Variants in IQANK1 observed in about 807,000 individuals in gnomAD.
IQANK1 encodes the protein IQ motif and ankyrin repeat containing 1.
In IQANK1, 30 loss-of-function variants were observed where a neutral mutation model predicts 22.6. The ratio of observed to expected loss-of-function variants is 1.33; its 90% confidence interval spans 0.99 to 1.80. The LOEUF (loss-of-function observed/expected upper bound fraction) is 1.80. Ranked by LOEUF, IQANK1 falls within the 40% of genes most tolerant of loss-of-function variation. IQANK1 has a pLI of 0.00. For missense variants in IQANK1, 275 were observed against 235.2 expected (o/e 1.17, Z -1.11); for synonymous variants, 122 against 99.6 (o/e 1.23, Z -1.34).
chr8:143,769,262 G>A (rs577615314), intron 3 of IQANK1, among the ~76,000 whole-genome samples: 13 of 152,078 alleles, frequency 8.5e-5, no homozygotes, highest in Admixed American at 5.2e-4. Context: ...GTCTCCCTAC[G>A]TGGCCCAGGC....
chr8:143,739,950 T>TGA lies in IQANK1; in HGVS notation c.175+6_175+7dup. 1.4e-6 allele frequency: 1 copy of TGA among 692,490 alleles called. No homozygotes were observed. Among genetic ancestry groups the TGA allele is most frequent in the Non-Finnish European group, 2.6e-6 (1 of 379,506 alleles). The allele number at this position is 692,490 out of a possible 1,614,324, so 42.9% of individuals were successfully genotyped here. A position where few individuals can be genotyped will look rare whatever the true frequency, so the allele number is the denominator to read the frequency against. Reference sequence around the variant, plus strand: ...CTGAGAGCCCACAGGCCCCCACAGGTGAGAGCCCGCACGTCCCGCGCCGCT... The same window carrying TGA: ...CTGAGAGCCCACAGGCCCCCACAGGTGAGAGAGCCCGCACGTCCCGCGCCGCT... On this transcript the variant is annotated splice_region_variant and intron_variant, in intron 3 of 13. Transcript: ENST00000527139.
At position 143,735,568 on chromosome 8, in the gene IQANK1, C is replaced by G. The variant is rs1818713641; in HGVS notation, c.-4-282C>G. On this transcript the variant is annotated intron_variant, in intron 1 of 13. Transcript: ENST00000527139. The surrounding 1 kb of genome is among the most constrained non-coding windows in gnomAD (Gnocchi z 5.2). ...GAGTGCTAGACTCCAGATCCTGCGCCCGGCAGGATGGGCTGAGCCTGGGGC... is the reference window on the plus strand; with the variant it reads ...GAGTGCTAGACTCCAGATCCTGCGCGCGGCAGGATGGGCTGAGCCTGGGGC... Among the ~76,000 whole-genome samples, 1 of 152,114 alleles carries G rather than the reference C, an allele frequency of 6.6e-6. No individual in the cohort carries two copies. The highest frequency in any genetic ancestry group is 1.5e-5 in the Non-Finnish European group (1 of 67,986).
chr8:143,737,070 G>A (rs1818759394), intron 2 of IQANK1, among the ~76,000 whole-genome samples: 1 of 152,156 alleles, frequency 6.6e-6, no homozygotes, highest in Non-Finnish European at 1.5e-5. Flanking sequence ...GCCAGGCTGG[G>A]GTTAGATCCT....
At chr8:143,759,952 C>T (rs782161348) in intron 3 of IQANK1, 1 of 152,208 alleles carries the variant, frequency 6.6e-6, no homozygotes, top group African/African-American at 2.4e-5. Context: ...TGCAAAGTGA[C>T]CACAGGCAGG....
At chr8:143,766,496 C>A (rs945923729) in intron 3 of IQANK1, among the ~76,000 whole-genome samples, 16 of 151,834 alleles carry the variant, frequency 1.1e-4, no homozygotes, top group Non-Finnish European at 5.9e-5. Flanking sequence ...CATGGTGAAA[C>A]CCCATCTCTA....
chr8:143,734,606 C>T (rs976437551), intron 1 of IQANK1, among the ~76,000 whole-genome samples: 4 of 151,806 alleles, frequency 2.6e-5, no homozygotes, highest in African/African-American at 4.8e-5. Context: ...CAGTCACCCA[C>T]GAACACGCTG....
chr8:143,749,910 A>G (rs1819154637), intron 3 of IQANK1, among the ~76,000 whole-genome samples: 1 of 151,704 alleles, frequency 6.6e-6, no homozygotes, highest in Admixed American at 6.6e-5. Context: ...ACATATTTAT[A>G]GTTATTATAT....
chr8:143,769,000 A>T (rs1340085646), intron 3 of IQANK1, among the ~76,000 whole-genome samples: 2 of 152,124 alleles, frequency 1.3e-5, no homozygotes, highest in Admixed American at 1.3e-4. Context: ...GGGCTCCCAA[A>T]ATCCGGGACA....
intron 3 of IQANK1, among the ~76,000 whole-genome samples, chr8:143,752,995 C>CA (rs1563771948): frequency 5.5e-4 from 41 of 74,734 alleles, no homozygotes; most frequent in African/African-American, 1.6e-3. Flanking sequence ...ACTCTCTGTT[C>CA]GTTTTTTTTT....
At chr8:143,738,769 C>A (rs1554626037) in intron 2 of IQANK1, among the ~76,000 whole-genome samples, 1 of 152,232 alleles carries the variant, frequency 6.6e-6, no homozygotes, top group African/African-American at 2.4e-5. Context: ...GCCACAGGGC[C>A]AGGAGCTGCA....
chr8:143,741,086 G>A (rs1249573325), intron 3 of IQANK1, among the ~76,000 whole-genome samples: 1 of 152,210 alleles, frequency 6.6e-6, no homozygotes, highest in African/African-American at 2.4e-5. Context: ...CTGTGTCTGG[G>A]TGTCACTTTT....
rs1219681285 is a variant in IQANK1, at chr8:143,735,787, ACTGCCC to A, written c.-4-56_-4-51del. 8.6e-6 allele frequency: 6 copies of A among 697,694 alleles called. No homozygotes were observed. The highest frequency in any genetic ancestry group is 2.7e-5 in the East Asian group (1 of 37,178). The allele number at this position is 697,694 out of a possible 1,614,324, so 43.2% of individuals were successfully genotyped here. ...ATGGTGTGCCCTGTTCCCCACTGCC[ACTGCCC>A]CTGCCCTCTGCCACTCTGAGCACCC... On this transcript the variant is annotated intron_variant, in intron 1 of 13. Transcript: ENST00000527139. The surrounding 1 kb of genome is among the most constrained non-coding windows in gnomAD (Gnocchi z 5.2).
intron 3 of IQANK1, chr8:143,743,837 A>C (rs1818972599): frequency 2.3e-6 from 1 of 430,878 alleles, no homozygotes; most frequent in African/African-American, 2.1e-5. Context: ...TACTTATTGG[A>C]TTCTTTTTCT....
At chr8:143,766,158 C>T (rs972772562) in intron 3 of IQANK1, among the ~76,000 whole-genome samples, 5 of 152,186 alleles carry the variant, frequency 3.3e-5, no homozygotes, top group African/African-American at 4.8e-5. Context: ...TAATGAGATT[C>T]ATCACATTTC....
chr8:143,757,100 C>CGTCA (rs1411289911), intron 3 of IQANK1, among the ~76,000 whole-genome samples: 1 of 152,004 alleles, frequency 6.6e-6, no homozygotes, highest in Non-Finnish European at 1.5e-5. Flanking sequence ...GTGCAACTGA[C>CGTCA]AGTCAGAGTG....
rs148471060 is a variant in IQANK1, at chr8:143,750,218, G to A, written c.175+10270G>A. Among the ~76,000 whole-genome samples the A allele has an allele frequency of 2.8e-3, 422 of 151,514 alleles. 4 individuals carry two copies. Among genetic ancestry groups the A allele is most frequent in the African/African-American group, 9.7e-3 (401 of 41,352 alleles). On this transcript the variant is annotated intron_variant, in intron 3 of 13. Transcript: ENST00000527139. ...TCTCCATGTTGGTCAGGGTGGTCTC[G>A]AACCCCCGACCTCAGGTGATCCGCC...
chr8:143,750,276 G>A (rs546627868), intron 3 of IQANK1, among the ~76,000 whole-genome samples: 3 of 152,208 alleles, frequency 2.0e-5, no homozygotes, highest in African/African-American at 7.2e-5. Flanking sequence ...GAGATTACAG[G>A]TGTGAGTCAC....
intron 2 of IQANK1, among the ~76,000 whole-genome samples, chr8:143,737,885 A>G (rs960618248): frequency 2.0e-5 from 3 of 152,170 alleles, no homozygotes; most frequent in Non-Finnish European, 4.4e-5. Flanking sequence ...GCACAGCTGG[A>G]CCTCATGGAG....
chr8:143,776,327 C>CAAAAAAAA (rs57571355), intron 7 of IQANK1, among the ~76,000 whole-genome samples: 10 of 105,494 alleles, frequency 9.5e-5, no homozygotes, highest in Admixed American at 2.2e-4. Context: ...GACTCCGTCT[C>CAAAAAAAA]AAAAAAAAAA....
Sources: allele counts gnomAD v4.1 joint callset (sites outside exome capture counted in the v4.1 genomes callset), GRCh38; gene constraint gnomAD v4.1.1; non-coding constraint Gnocchi (gnomAD v3.1); transcripts MANE v1.5; gene names NCBI Gene and HGNC (gene_info 2026-07-23, HGNC 2026-07-21).